The following MRPL48 variants were observed in gnomAD, a reference collection of about 807,000 sequenced individuals.
The protein encoded by MRPL48 is mitochondrial ribosomal protein L48, also known as large ribosomal subunit protein mL48.
In MRPL48, 16 loss-of-function variants were observed where a neutral mutation model predicts 32.9. The ratio of observed to expected loss-of-function variants is 0.49; its 90% CI spans 0.33 to 0.74. The LOEUF (loss-of-function observed/expected upper bound fraction) is 0.74. Ranked by LOEUF, MRPL48 falls within the 30% of genes least tolerant of loss-of-function variation. MRPL48 has a pLI of 0.02. For missense variants in MRPL48, 206 were observed against 245.3 expected (o/e 0.84, Z 1.07); for synonymous variants, 94 against 89.2 (o/e 1.05, Z -0.31).
intron 1 of MRPL48, among the ~76,000 whole-genome samples, chr11:73,791,022 A>T (rs1023908082): frequency 4.7e-5 from 7 of 150,294 alleles, no homozygotes; most frequent in African/African-American, 1.5e-4. Context: ...AGTTGCTGGG[A>T]CTACAGGCAC....
chr11:73,835,485 T>G (rs576764938), intron 4 of MRPL48, among the ~76,000 whole-genome samples: 35 of 152,350 alleles, frequency 2.3e-4, no homozygotes, highest in African/African-American at 8.4e-4. Flanking sequence ...AAACTGCAGT[T>G]GCTTAATACA....
At chr11:73,790,304 C>G (rs1475868272) in intron 1 of MRPL48, among the ~76,000 whole-genome samples, 1 of 146,998 alleles carries the variant, frequency 6.8e-6, no homozygotes, top group Non-Finnish European at 1.5e-5. Context: ...CTCCTGACCT[C>G]GTGATCCGGA....
At chr11:73,846,549 T>A (rs1346995362) in intron 5 of MRPL48, among the ~76,000 whole-genome samples, 1 of 151,940 alleles carries the variant, frequency 6.6e-6, no homozygotes, top group African/African-American at 2.4e-5. Context: ...AGAGATGGGG[T>A]TTCACCAACC....
chr11:73,862,134 A>G (rs1306481495), intron 6 of MRPL48, among the ~76,000 whole-genome samples: 1 of 152,114 alleles, frequency 6.6e-6, no homozygotes, highest in African/African-American at 2.4e-5. Context: ...CTAAAAATAC[A>G]AAAATTAGCT....
intron 3 of MRPL48, among the ~76,000 whole-genome samples, chr11:73,817,546 G>A (rs1024486370): frequency 1.3e-5 from 2 of 152,102 alleles, no homozygotes; most frequent in African/African-American, 4.8e-5. Flanking sequence ...AGGTTAAAAC[G>A]TGCTTTCCCT....
At chr11:73,852,393 C>CAAAAAAAAAAAAAAA (rs10554131) in intron 5 of MRPL48, among the ~76,000 whole-genome samples, 4 of 83,348 alleles carry the variant, frequency 4.8e-5, no homozygotes, top group African/African-American at 8.9e-5. Context: ...AACTCTATAG[C>CAAAAAAAAAAAAAAA]AAAAAAAAAA....
chr11:73,825,754 C>T lies in MRPL48; in HGVS notation c.159C>T (p.Thr53=). 1.9e-6 allele frequency: 3 copies of T among 1,570,046 alleles called. No homozygotes were observed. Among genetic ancestry groups the T allele is most frequent in the South Asian group, 1.2e-5 (1 of 85,068 alleles). Residue 53 remains threonine (T), a synonymous_variant, in exon 4 of 8, where the codon ACC becomes ACT. Transcript: ENST00000310614. ...GTCGGCCCTACAAGACAAAGCCCAC[C>T]CACGGCATTGGAAAGTACAAGCACT... ...SISRPYKTKP[T]HGIGKYKHLI... is the part of the protein sequence containing the mutation.
chr11:73,831,940 CAAA>C (rs4019304), intron 4 of MRPL48, among the ~76,000 whole-genome samples: 3 of 67,108 alleles, frequency 4.5e-5, no homozygotes, highest in African/African-American at 1.3e-4. Flanking sequence ...AACTCTGTCT[CAAA>C]AAAAAAAAAA....
intron 5 of MRPL48, among the ~76,000 whole-genome samples, chr11:73,849,584 T>C (rs1314526398): frequency 6.6e-6 from 1 of 152,266 alleles, no homozygotes; most frequent in African/African-American, 2.4e-5. Context: ...TGCAAGTAGT[T>C]TGGTTTTTTG....
intron 4 of MRPL48, among the ~76,000 whole-genome samples, chr11:73,827,912 G>A (rs1427731106): frequency 1.3e-5 from 2 of 152,174 alleles, no homozygotes; most frequent in Non-Finnish European, 2.9e-5. Flanking sequence ...AAGGAAACTT[G>A]TGTTCTAGGC....
intron 4 of MRPL48, among the ~76,000 whole-genome samples, chr11:73,840,688 C>T (rs888284506): frequency 7.2e-5 from 11 of 151,912 alleles, no homozygotes; most frequent in Non-Finnish European, 7.4e-5. Context: ...TTAGTAGAGG[C>T]GCGGTTTCAC....
rs548704771 is a variant in MRPL48 at position 73,794,829 on chromosome 11, C to T, written c.21+6837C>T. 1.1e-3 allele frequency among the ~76,000 whole-genome samples: 164 copies of T among 150,470 alleles called. 1 individual carries two copies. The highest frequency in any genetic ancestry group is 3.9e-3 in the African/African-American group (158 of 40,982). ...GCATGATCTCGGCTCACCACAACCTCCGCCTCCCGGGTTCAAGCGATTCTC... is the reference window on the plus strand; with the variant it reads ...GCATGATCTCGGCTCACCACAACCTTCGCCTCCCGGGTTCAAGCGATTCTC... On this transcript the variant is annotated intron_variant, in intron 1 of 7. Transcript: ENST00000310614.
At chr11:73,839,354 G>GC (rs1554971349) in intron 4 of MRPL48, among the ~76,000 whole-genome samples, 7 of 151,466 alleles carry the variant, frequency 4.6e-5, no homozygotes, top group African/African-American at 1.7e-4. Flanking sequence ...AGTAGGGATA[G>GC]TTTTTTTTTC....
rs549367143 is a variant in MRPL48, at chr11:73,793,859, T to G, written c.21+5867T>G. 4.8e-3 allele frequency among the ~76,000 whole-genome samples: 501 copies of G among 105,084 alleles called. 7 individuals carry two copies. The highest frequency in any genetic ancestry group is 0.04 in the Admixed American group (454 of 11,338). The allele number at this position is 105,084 out of a possible 152,430, so 68.9% of individuals were successfully genotyped here. A position where few individuals can be genotyped will look rare whatever the true frequency, so the allele number is the denominator to read the frequency against. ...CAACATGGCGAAACCTTGTTTCGTG[T>G]TTTTTTTTTTTTTTTTTTCCCTTTT... On this transcript the variant is annotated intron_variant, in intron 1 of 7. Transcript: ENST00000310614.
At chr11:73,847,568 G>A (rs1948317347) in intron 5 of MRPL48, among the ~76,000 whole-genome samples, 1 of 152,064 alleles carries the variant, frequency 6.6e-6, no homozygotes, top group South Asian at 2.1e-4. Context: ...AGCCTCCCGA[G>A]TAGCTGGGAC....
At chr11:73,792,359 C>T (rs1347157458) in intron 1 of MRPL48, among the ~76,000 whole-genome samples, 1 of 152,188 alleles carries the variant, frequency 6.6e-6, no homozygotes. Context: ...CCACTATTTT[C>T]TCAGGGAATA....
chr11:73,860,237 GT>G, intron 6 of MRPL48: 1 of 424,410 alleles, frequency 2.4e-6, no homozygotes, highest in Non-Finnish European at 4.3e-6. Context: ...ACCCCCAGAT[GT>G]ATATATCTCC....
At chr11:73,848,282 C>T (rs1948331609) in intron 5 of MRPL48, among the ~76,000 whole-genome samples, 2 of 151,992 alleles carry the variant, frequency 1.3e-5, no homozygotes, top group African/African-American at 4.8e-5. Context: ...AGCCAGTTGA[C>T]CATGTATATG....
At chr11:73,829,108 A>G (rs1947950413) in intron 4 of MRPL48, among the ~76,000 whole-genome samples, 1 of 152,022 alleles carries the variant, frequency 6.6e-6, no homozygotes, top group South Asian at 2.1e-4. Flanking sequence ...CTTCCTCTCC[A>G]GCCTCTTCTC....
Sources: allele counts gnomAD v4.1 joint callset (sites outside exome capture counted in the v4.1 genomes callset), GRCh38; gene constraint gnomAD v4.1.1; transcripts MANE v1.5; gene names NCBI Gene and HGNC (gene_info 2026-07-23, HGNC 2026-07-21).